Variants in TPX2 observed in about 807,000 individuals in gnomAD.
TPX2 encodes the protein TPX2 microtubule nucleation factor.
Under a neutral mutation model 93.6 loss-of-function variants are expected in TPX2, and 21 were observed. That is an observed-to-expected ratio of 0.22 (90% confidence interval 0.16 to 0.32). The LOEUF (loss-of-function observed/expected upper bound fraction) is 0.32, where lower values mean the gene tolerates loss of function less well. Ranked by LOEUF, TPX2 falls within the 10% of genes least tolerant of loss-of-function variation. TPX2 has a pLI of 1.00. For missense variants in TPX2, 776 were observed against 871.1 expected (o/e 0.89, Z 1.37); for synonymous variants, 281 against 298.3 (o/e 0.94, Z 0.60).
intron 7 of TPX2, among the ~76,000 whole-genome samples, chr20:31,772,186 A>C (rs1210019176): frequency 2.0e-5 from 3 of 151,848 alleles, no homozygotes; most frequent in African/African-American, 7.3e-5. Context: ...ACACCCGGCT[A>C]ATTTTTGTAT....
At chr20:31,743,880 C>G (rs2061767659) in intron 2 of TPX2, among the ~76,000 whole-genome samples, 1 of 151,810 alleles carries the variant, frequency 6.6e-6, no homozygotes, top group Non-Finnish European at 1.5e-5. Context: ...GCATGCCACA[C>G]CTGGCTAATT....
chr20:31,792,816 A>G lies in TPX2; in HGVS notation c.1495A>G (p.Thr499Ala), dbSNP rs1344933582. Residue 499 changes from threonine (T) to alanine (A), a missense_variant, in exon 13 of 18, where the codon ACC (threonine) becomes GCC (alanine). Thr to Ala is a moderately conservative substitution (Grantham distance 58). Around this residue, in one of 3 missense-constraint regions of TPX2, gnomAD observed 461 missense variants for 551.2 expected, o/e 0.84. Transcript: ENST00000300403. Reference sequence around the variant, plus strand: ...ATTGAAGAACAGAATTCGAATGCCCACCAAAGAAGATGAGGTGATTCCCTG... The same window carrying G: ...ATTGAAGAACAGAATTCGAATGCCCGCCAAAGAAGATGAGGTGATTCCCTG... ...FALKNRIRMP[T>A]KEDEEEDEPV... is the part of the protein sequence containing the mutation. 6.2e-7 allele frequency: 1 copy of G among 1,614,196 alleles called. No individual in the cohort carries two copies.
chr20:31,764,691 A>G (rs1049681392), intron 4 of TPX2, among the ~76,000 whole-genome samples: 1 of 152,184 alleles, frequency 6.6e-6, no homozygotes, highest in African/African-American at 2.4e-5. Flanking sequence ...AAATGCATCT[A>G]TTTTAGCCTT....
intron 5 of TPX2, among the ~76,000 whole-genome samples, chr20:31,770,002 T>C (rs1424398507): frequency 6.6e-6 from 1 of 152,126 alleles, no homozygotes; most frequent in Non-Finnish European, 1.5e-5. Flanking sequence ...GGTCTTGATA[T>C]GTTGCCCATG....
chr20:31,790,079 G>A (rs2062090782), intron 12 of TPX2, among the ~76,000 whole-genome samples: 1 of 152,202 alleles, frequency 6.6e-6, no homozygotes, highest in Non-Finnish European at 1.5e-5. Context: ...TGCCCCTGGT[G>A]CATTCAAGCA....
At chr20:31,794,614 C>A in intron 15 of TPX2, 66 bp downstream of exon 15, 1 of 1,571,990 alleles carries the variant, frequency 6.4e-7, no homozygotes, top group South Asian at 1.2e-5. Context: ...GGCAGACCCA[C>A]CATACTGAAA....
intron 14 of TPX2, 87 bp downstream of exon 14, chr20:31,794,111 A>G (rs2062120259): frequency 2.3e-6 from 3 of 1,331,498 alleles, no homozygotes; most frequent in South Asian, 3.1e-5. Context: ...TAACTATAAA[A>G]TCACTGACTT....
intron 2 of TPX2, among the ~76,000 whole-genome samples, chr20:31,754,592 GT>G (rs1354530587): frequency 6.6e-6 from 1 of 152,126 alleles, no homozygotes; most frequent in Non-Finnish European, 1.5e-5. Context: ...GTAAGTGGGT[GT>G]TTTTTTCTTC....
At position 31,750,397 on chromosome 20, in the gene TPX2, G is replaced by A. The variant is rs867722991; in HGVS notation, c.-70-7010G>A. ...TCGAACTCCTGACCTCAGGCGATCC[G>A]CCCGCCTTGGCCTCCCAAAGTGCTG... On this transcript the variant is annotated intron_variant, in intron 2 of 17. Coordinates refer to ENST00000300403, the MANE Select transcript of TPX2 (RefSeq NM_012112.5). 6.6e-5 allele frequency among the ~76,000 whole-genome samples: 10 copies of A among 151,984 alleles called. No individual in the cohort carries two copies. The South Asian group carries it at 8.3e-4, about 13-fold the overall frequency.
chr20:31,780,687 T>C (rs2062027669), intron 10 of TPX2, among the ~76,000 whole-genome samples: 1 of 152,234 alleles, frequency 6.6e-6, no homozygotes, highest in African/African-American at 2.4e-5. Context: ...AAGACCTAAA[T>C]TGAAAGATTC....
intron 12 of TPX2, among the ~76,000 whole-genome samples, chr20:31,788,069 C>CTTTCA (rs2062077904): frequency 6.6e-6 from 1 of 152,080 alleles, no homozygotes; most frequent in South Asian, 2.1e-4. Context: ...ATTTATTTTC[C>CTTTCA]TTTCACAGGG....
At chr20:31,746,754 A>G (rs2061785568) in intron 2 of TPX2, among the ~76,000 whole-genome samples, 1 of 152,050 alleles carries the variant, frequency 6.6e-6, no homozygotes, top group Non-Finnish European at 1.5e-5. Context: ...TGTCAAGACT[A>G]GTTATTTTTG....
chr20:31,776,379 C>T (rs1410977085), intron 8 of TPX2, among the ~76,000 whole-genome samples: 1 of 151,612 alleles, frequency 6.6e-6, no homozygotes, highest in Non-Finnish European at 1.5e-5. Flanking sequence ...CGCACCCGGC[C>T]AGTAGGTGTT....
At chr20:31,745,224 T>C (rs2061776299) in intron 2 of TPX2, among the ~76,000 whole-genome samples, 1 of 152,198 alleles carries the variant, frequency 6.6e-6, no homozygotes, top group African/African-American at 2.4e-5. Context: ...AAATAGGTAA[T>C]ATATTTGCAT....
intron 2 of TPX2, among the ~76,000 whole-genome samples, chr20:31,756,296 A>T (rs1195040146): frequency 6.6e-6 from 1 of 152,192 alleles, no homozygotes. Context: ...GGAGATATAA[A>T]CAAAGCACAA....
At chr20:31,791,288 A>T (rs2062099288) in intron 12 of TPX2, among the ~76,000 whole-genome samples, 3 of 151,586 alleles carry the variant, frequency 2.0e-5, no homozygotes, top group South Asian at 4.2e-4. Flanking sequence ...TAAAGAATTA[A>T]TTTTTTTTTC....
chr20:31,754,089 G>A (rs2061836916), intron 2 of TPX2, among the ~76,000 whole-genome samples: 1 of 151,884 alleles, frequency 6.6e-6, no homozygotes, highest in Admixed American at 6.6e-5. Context: ...AGGACCAGAA[G>A]TACATTATTT....
At chr20:31,751,362 G>C (rs766118252) in intron 2 of TPX2, among the ~76,000 whole-genome samples, 2 of 151,954 alleles carry the variant, frequency 1.3e-5, no homozygotes, top group Non-Finnish European at 2.9e-5. Flanking sequence ...ACCTGAGTTA[G>C]GCATTAAGAT....
intron 15 of TPX2, among the ~76,000 whole-genome samples, chr20:31,795,772 A>C (rs1359140684): frequency 6.6e-6 from 1 of 152,264 alleles, no homozygotes; most frequent in African/African-American, 2.4e-5. Context: ...TTTATAAATG[A>C]CAGGTGATTT....
Sources: allele counts gnomAD v4.1 joint callset (sites outside exome capture counted in the v4.1 genomes callset), GRCh38; gene constraint gnomAD v4.1.1; regional missense constraint gnomAD v4.1.1; transcripts MANE v1.5; gene names NCBI Gene and HGNC (gene_info 2026-07-23, HGNC 2026-07-21).